Variants in NLGN4Y observed in about 807,000 individuals in gnomAD.
NLGN4Y encodes neuroligin 4 Y-linked.
In NLGN4Y, 4 loss-of-function variants were observed where a neutral mutation model predicts 8.4. The ratio of observed to expected loss-of-function variants is 0.48; its 90% CI spans 0.23 to 1.09. The LOEUF is 1.09. NLGN4Y is among the 50% of genes least tolerant of loss of function. The pLI, the probability that NLGN4Y is intolerant of heterozygous loss-of-function variation, is 0.19. For synonymous variants in NLGN4Y, 35 were observed against 75.6 expected (o/e 0.46, Z 2.78); for missense variants, 90 against 192.3 (o/e 0.47, Z 3.15).
intron 1 of NLGN4Y, among the ~76,000 whole-genome samples, chrY:14,610,736 G>A: frequency 3.1e-5 from 1 of 32,656 alleles, no homozygotes; most frequent in Non-Finnish European, 7.5e-5. Flanking sequence ...GTCCGGAGCT[G>A]AGTTCAAGTC....
chrY:14,816,526 T>G, intron 4 of NLGN4Y, among the ~76,000 whole-genome samples: 1 of 34,499 alleles, frequency 2.9e-5, no homozygotes, highest in Non-Finnish European at 7.3e-5. Flanking sequence ...CTTGTAGGGT[T>G]AGATAAGCAT....
chrY:14,780,824 G>T (rs996389927), intron 4 of NLGN4Y, among the ~76,000 whole-genome samples: 2 of 33,205 alleles, frequency 6.0e-5, no homozygotes, highest in East Asian at 8.1e-4. Flanking sequence ...AAGCAGGTAA[G>T]ATAGGTGATG....
At chrY:14,640,160 C>A in intron 2 of NLGN4Y, 1 of 119,224 alleles carries the variant, frequency 8.4e-6, no homozygotes, top group East Asian at 2.5e-4. Context: ...GGTTTGAAAC[C>A]GCAAGCTGCA....
chrY:14,697,206 CAGATAGAT>C (rs200602431), intron 2 of NLGN4Y, among the ~76,000 whole-genome samples: 21 of 24,265 alleles, frequency 8.7e-4, no homozygotes, highest in East Asian at 3.8e-3. Flanking sequence ...GGTAGGTAGG[CAGATAGAT>C]AGATAGATAG....
At chrY:14,798,104 A>G (rs1048995202) in intron 4 of NLGN4Y, among the ~76,000 whole-genome samples, 14 of 33,194 alleles carry the variant, frequency 4.2e-4, no homozygotes, top group Non-Finnish European at 8.2e-4. Context: ...TTTTCTTCCA[A>G]CTTTCAAATA....
chrY:14,791,604 A>G (rs1038272694), intron 4 of NLGN4Y, among the ~76,000 whole-genome samples: 2 of 33,048 alleles, frequency 6.1e-5, no homozygotes, highest in Non-Finnish European at 1.5e-4. Context: ...TGATCTAACC[A>G]TACCCCAAAT....
chrY:14,739,439 C>T, intron 4 of NLGN4Y, among the ~76,000 whole-genome samples: 1 of 32,615 alleles, frequency 3.1e-5, no homozygotes, highest in Non-Finnish European at 7.5e-5. Flanking sequence ...AGAATTGGGG[C>T]TTGTTTTAAA....
intron 1 of NLGN4Y, among the ~76,000 whole-genome samples, chrY:14,550,797 C>A (rs2080190365): frequency 3.0e-5 from 1 of 33,753 alleles, no homozygotes; most frequent in African/African-American, 1.1e-4. Context: ...TTCTCTCTGG[C>A]TGCCCTTAAC....
At chrY:14,831,823 T>C in intron 6 of NLGN4Y, among the ~76,000 whole-genome samples, 1 of 32,260 alleles carries the variant, frequency 3.1e-5, no homozygotes, top group Non-Finnish European at 7.5e-5. Flanking sequence ...CACACACATA[T>C]GTCACAGGAA....
intron 2 of NLGN4Y, among the ~76,000 whole-genome samples, chrY:14,667,693 C>T: frequency 8.9e-5 from 3 of 33,760 alleles, no homozygotes; most frequent in African/African-American, 3.5e-4. Flanking sequence ...AATGTATAAT[C>T]GCAGACTGTG....
At chrY:14,636,115 T>G (rs766290919) in intron 2 of NLGN4Y, among the ~76,000 whole-genome samples, 1 of 33,675 alleles carries the variant, frequency 3.0e-5, no homozygotes, top group Admixed American at 2.7e-4. Flanking sequence ...GGAGGCAATG[T>G]GCAATGATGT....
At chrY:14,642,168 G>A in intron 2 of NLGN4Y, among the ~76,000 whole-genome samples, 7 of 33,616 alleles carry the variant, frequency 2.1e-4, no homozygotes, top group Non-Finnish European at 3.7e-4. Flanking sequence ...GCAAACAAGC[G>A]TGTATGTTTG....
At chrY:14,617,401 C>T in intron 1 of NLGN4Y, among the ~76,000 whole-genome samples, 1 of 27,009 alleles carries the variant, frequency 3.7e-5, no homozygotes, top group Non-Finnish European at 8.4e-5. Flanking sequence ...CTCCTGGATC[C>T]ACTCCAGACG....
chrY:14,717,757 A>G (rs2080920943), intron 2 of NLGN4Y, among the ~76,000 whole-genome samples: 1 of 33,657 alleles, frequency 3.0e-5, no homozygotes, highest in African/African-American at 1.2e-4. Context: ...CCAATTTCTT[A>G]AAACAAAAAC....
intron 4 of NLGN4Y, among the ~76,000 whole-genome samples, chrY:14,731,438 T>G (rs2080972185): frequency 3.0e-5 from 1 of 33,143 alleles, no homozygotes; most frequent in African/African-American, 1.2e-4. Context: ...TGTACCCTTT[T>G]CTCACCATTC....
At chrY:14,775,402 A>G in intron 4 of NLGN4Y, among the ~76,000 whole-genome samples, 2 of 31,471 alleles carry the variant, frequency 6.4e-5, no homozygotes. Flanking sequence ...CAACTGATGA[A>G]TTTCATCTCT....
rs1462020242 is a variant in NLGN4Y at position 14,671,532 on chromosome Y, T to TA, written c.473-47914dup. On this transcript the variant is annotated intron_variant, in intron 2 of 6. Transcript: ENST00000684976. ...GGCAACAGAACAAGACCCCATCCTT[T>TA]AAAAAAAAAAAAAGAAAAAGAAGAA... 1.9e-3 allele frequency among the ~76,000 whole-genome samples: 40 copies of TA among 20,548 alleles called. No individual in the cohort carries two copies. In the East Asian group the frequency reaches 0.025, roughly 13 times the overall value. 55.1% of individuals were successfully genotyped at this position (20,548 alleles called of 37,273 possible). A position where few individuals can be genotyped will look rare whatever the true frequency, so the allele number is the denominator to read the frequency against.
chrY:14,589,610 C>T, intron 1 of NLGN4Y, among the ~76,000 whole-genome samples: 1 of 32,509 alleles, frequency 3.1e-5, no homozygotes, highest in Non-Finnish European at 7.6e-5. Flanking sequence ...GATTGGTGCA[C>T]TCACAAACCT....
chrY:14,588,401 A>G, intron 1 of NLGN4Y, among the ~76,000 whole-genome samples: 1 of 32,964 alleles, frequency 3.0e-5, no homozygotes, highest in Admixed American at 2.8e-4. Context: ...AAACCATCAG[A>G]TCTTGTGACC....
Sources: allele counts gnomAD v4.1 joint callset (sites outside exome capture counted in the v4.1 genomes callset), GRCh38; gene constraint gnomAD v4.1.1; transcripts MANE v1.5; gene names NCBI Gene and HGNC (gene_info 2026-07-23, HGNC 2026-07-21).